The following REPS2 variants were observed in gnomAD, a reference collection of about 807,000 sequenced individuals.
REPS2 encodes RALBP1 associated Eps domain containing 2.
In REPS2, 23 loss-of-function variants were observed where a neutral mutation model predicts 53.6. The ratio of observed to expected loss-of-function variants is 0.43; its 90% CI spans 0.31 to 0.61. The LOEUF is 0.61. Among genes scored for constraint, REPS2 ranks in the 20% least tolerant of loss-of-function variants. REPS2 has a pLI of 0.11. For missense variants in REPS2, 446 were observed against 534.9 expected (o/e 0.83, Z 1.64); for synonymous variants, 238 against 218.6 (o/e 1.09, Z -0.78).
At chrX:16,987,165 G>T (rs1354897640) in intron 1 of REPS2, among the ~76,000 whole-genome samples, 1 of 110,283 alleles carries the variant, frequency 9.1e-6, no homozygotes, top group Non-Finnish European at 1.9e-5. Context: ...GAACTCCTGG[G>T]CTCAAGTGAT....
intron 11 of REPS2, among the ~76,000 whole-genome samples, chrX:17,071,651 G>T (rs1569160279): frequency 9.0e-6 from 1 of 111,553 alleles, no homozygotes; most frequent in Admixed American, 9.5e-5. Context: ...GAAATGTTTG[G>T]ATTCCCAGTG....
chrX:17,108,832 T>C (rs2062916737), intron 14 of REPS2, among the ~76,000 whole-genome samples: 1 of 109,990 alleles, frequency 9.1e-6, no homozygotes, highest in Non-Finnish European at 1.9e-5. Flanking sequence ...AAGCATTTGA[T>C]GAATACCTTT....
intron 14 of REPS2, among the ~76,000 whole-genome samples, chrX:17,113,385 A>G (rs1358004908): frequency 9.2e-6 from 1 of 109,262 alleles, no homozygotes. Flanking sequence ...GCCCTAGATA[A>G]CATTGTTTTA....
In REPS2 at chrX:17,152,463, G is replaced by A. The variant is rs962158079; in HGVS notation, c.*4982G>A. 11 of 112,208 alleles carry A rather than the reference G, an allele frequency of 9.8e-5. No homozygotes were observed. The highest frequency in any genetic ancestry group is 3.6e-4 in the African/African-American group (11 of 30,889). 9.2% of individuals were successfully genotyped at this position (112,208 alleles called of 1,213,427 possible). On this transcript the variant is annotated 3_prime_UTR_variant, in exon 18 of 18. Coordinates refer to ENST00000357277, the MANE Select transcript of REPS2 (RefSeq NM_004726.3). ...TACTCTGGTCTTGCTGTAAGCTAAT[G>A]TCATGGCTGTGGGATATTAGAGAAG...
downstream of REPS2, among the ~76,000 whole-genome samples, chrX:17,157,621 A>G (rs1434587051): frequency 9.0e-6 from 1 of 111,713 alleles, no homozygotes; most frequent in African/African-American, 3.3e-5. Context: ...AATATCCTAC[A>G]GTGCACAGGA....
intron 13 of REPS2, among the ~76,000 whole-genome samples, chrX:17,088,766 G>T (rs2148019887): frequency 9.1e-6 from 1 of 109,422 alleles, no homozygotes; most frequent in African/African-American, 3.3e-5. Context: ...TGTATTTTTA[G>T]TAGAGACGGG....
At chrX:16,962,783 T>G (rs2060681875) in intron 1 of REPS2, among the ~76,000 whole-genome samples, 2 of 112,244 alleles carry the variant, frequency 1.8e-5, no homozygotes, top group African/African-American at 6.5e-5. Context: ...ATGTTAAAGT[T>G]ATGCCATAAA....
chrX:17,167,722 A>C, the REPS2 span, among the ~76,000 whole-genome samples: 1 of 108,860 alleles, frequency 9.2e-6, no homozygotes, highest in Non-Finnish European at 1.9e-5. Context: ...AGTACATTTC[A>C]ATGTCTTGGA....
intron 14 of REPS2, among the ~76,000 whole-genome samples, chrX:17,109,493 G>A: frequency 9.0e-6 from 1 of 111,314 alleles, no homozygotes. Context: ...TTCTGGAGTT[G>A]GGGAGGCATG....
At chrX:16,991,233 T>C (rs1174093470) in intron 1 of REPS2, among the ~76,000 whole-genome samples, 1 of 111,610 alleles carries the variant, frequency 9.0e-6, no homozygotes, top group East Asian at 2.8e-4. Flanking sequence ...TTCTAGACAC[T>C]AGACTCGTTT....
chrX:17,185,796 C>T, the REPS2 span, among the ~76,000 whole-genome samples: 2 of 111,504 alleles, frequency 1.8e-5, no homozygotes, highest in Non-Finnish European at 3.8e-5. Context: ...GGCACATCTG[C>T]CAAGACTGCA....
At chrX:16,953,326 A>G (rs1379502169) in intron 1 of REPS2, among the ~76,000 whole-genome samples, 3 of 111,545 alleles carry the variant, frequency 2.7e-5, no homozygotes, top group African/African-American at 9.8e-5. Flanking sequence ...AAAATATTTC[A>G]GGCATGTAAA....
At chrX:17,111,811 G>A (rs943006542) in intron 14 of REPS2, among the ~76,000 whole-genome samples, 1 of 111,701 alleles carries the variant, frequency 9.0e-6, no homozygotes, top group Admixed American at 9.5e-5. Context: ...CTAGTGCTAA[G>A]ATGTCTGATT....
intron 1 of REPS2, among the ~76,000 whole-genome samples, chrX:16,981,472 T>A (rs1397320571): frequency 8.8e-6 from 1 of 113,117 alleles, no homozygotes; most frequent in Non-Finnish European, 1.9e-5. Flanking sequence ...GACTTTTACT[T>A]AATTTACGTG....
intron 14 of REPS2, among the ~76,000 whole-genome samples, chrX:17,125,755 G>GT (rs1660267696): frequency 1.8e-5 from 2 of 112,940 alleles, no homozygotes; most frequent in Admixed American, 1.9e-4. Context: ...GAGGATGGAA[G>GT]ACCTTTAACT....
At position 16,951,278 on chromosome X, in the gene REPS2, C is replaced by T. The variant is rs772556408; in HGVS notation, c.273+4144C>T. Among the ~76,000 whole-genome samples, 14 of 111,539 alleles carry T rather than the reference C, an allele frequency of 1.3e-4. No homozygotes were observed. The East Asian group carries it at 2.0e-3, about 16-fold the overall frequency. ...TTCTTTTTCTAGTTTAAAAGTATCCCATTCTGCCATTTTCCACCTAGTGCT... is the reference window on the plus strand; with the variant it reads ...TTCTTTTTCTAGTTTAAAAGTATCCTATTCTGCCATTTTCCACCTAGTGCT... On this transcript the variant is annotated intron_variant, in intron 1 of 17. Coordinates refer to ENST00000357277, the MANE Select transcript of REPS2 (RefSeq NM_004726.3).
chrX:16,971,746 A>G (rs1420911290), intron 1 of REPS2, among the ~76,000 whole-genome samples: 2 of 112,098 alleles, frequency 1.8e-5, no homozygotes, highest in African/African-American at 6.5e-5. Context: ...ATGGATATCC[A>G]CTTGTCTTAG....
intron 13 of REPS2, among the ~76,000 whole-genome samples, chrX:17,092,111 C>T (rs748406836): frequency 3.0e-4 from 34 of 111,814 alleles, no homozygotes; most frequent in Non-Finnish European, 3.2e-4. Context: ...TTTGTTCCCC[C>T]TGAAGAATCG....
At chrX:17,135,204 T>C in intron 15 of REPS2, 57 bp from the exon 16 acceptor site, 1 of 1,124,517 alleles carries the variant, frequency 8.9e-7, no homozygotes, top group Non-Finnish European at 1.2e-6. Flanking sequence ...GAAGGAAGAG[T>C]GGAGGGAACA....
Sources: gnomAD v4.1 joint callset for allele counts (sites outside exome capture counted in the v4.1 genomes callset) on GRCh38, gnomAD v4.1.1 for gene constraint, MANE v1.5 for transcripts, NCBI Gene and HGNC (gene_info 2026-07-23, HGNC 2026-07-21) for gene names.